The following PKN2 variants were observed in gnomAD, a reference collection of about 807,000 sequenced individuals.
The protein encoded by PKN2 is serine/threonine-protein kinase N2.
In PKN2, 38 loss-of-function variants were observed where a neutral mutation model predicts 119.1. The ratio of observed to expected loss-of-function variants is 0.32; its 90% CI spans 0.25 to 0.42. PKN2 has a LOEUF of 0.42. Ranked by LOEUF, PKN2 falls within the 10% of genes least tolerant of loss-of-function variation. The pLI is 1.00. For synonymous variants in PKN2, 390 were observed against 384.9 expected (o/e 1.01, Z -0.15); for missense variants, 850 against 1,165.1 (o/e 0.73, Z 3.94).
At chr1:88,703,881 A>G (rs1557550420) in intron 1 of PKN2, among the ~76,000 whole-genome samples, 1 of 152,180 alleles carries the variant, frequency 6.6e-6, no homozygotes. Flanking sequence ...CTAGTAGAAG[A>G]TAATTTTTGA....
intron 17 of PKN2, among the ~76,000 whole-genome samples, chr1:88,824,027 G>A (rs1055905221): frequency 1.6e-5 from 2 of 127,218 alleles, no homozygotes; most frequent in South Asian, 2.6e-4. Context: ...AAAAAAAAAG[G>A]ATTAAATTAG....
intron 8 of PKN2, among the ~76,000 whole-genome samples, chr1:88,787,601 C>T (rs190478691): frequency 1.3e-5 from 2 of 152,188 alleles, no homozygotes; most frequent in Admixed American, 1.3e-4. Flanking sequence ...ATGAAGAGTG[C>T]CTGGAAGAGA....
chr1:88,824,156 T>C (rs1672406358), intron 17 of PKN2, among the ~76,000 whole-genome samples, 154 bp from the exon 18 acceptor site: 1 of 152,232 alleles, frequency 6.6e-6, no homozygotes, highest in African/African-American at 2.4e-5. Context: ...ACTGAATGTT[T>C]GTGTTATAGT....
chr1:88,786,324 A>G (rs1670572168), intron 8 of PKN2, 111 bp downstream of exon 8: 1 of 545,604 alleles, frequency 1.8e-6, no homozygotes, highest in East Asian at 3.1e-5. Flanking sequence ...TAAAAATAGA[A>G]CTTAGATTTT....
intron 1 of PKN2, among the ~76,000 whole-genome samples, chr1:88,695,649 C>T (rs1332133354): frequency 6.6e-6 from 1 of 152,080 alleles, no homozygotes; most frequent in Non-Finnish European, 1.5e-5. Context: ...GTTTTCTTGT[C>T]TTTACTTTCA....
At chr1:88,786,913 G>T (rs1670600068) in intron 8 of PKN2, among the ~76,000 whole-genome samples, 1 of 140,280 alleles carries the variant, frequency 7.1e-6, no homozygotes, top group Non-Finnish European at 1.6e-5. Context: ...AAATGTTTTG[G>T]TGATTACTGT....
chr1:88,786,110 T>C lies in PKN2; in HGVS notation c.1178T>C (p.Val393Ala). 1 of 1,597,690 alleles carries C rather than the reference T, an allele frequency of 6.3e-7. No individual in the cohort carries two copies. Among genetic ancestry groups the C allele is most frequent in the Non-Finnish European group, 8.6e-7 (1 of 1,165,698 alleles). Residue 393 changes from valine (V) to alanine (A), a missense_variant, in exon 8 of 22, where the codon GTC becomes GCC. Coordinates refer to ENST00000370521, the MANE Select transcript of PKN2 (RefSeq NM_006256.4). Reference protein sequence around the residue: ...LLKTDDLSNDVCAVLKLDNTV... With the variant: ...LLKTDDLSNDACAVLKLDNTV... ...TTGTAAATTTTAATTACAGATGATG[T>C]CTGTGCTGTTTTGAAGCTCGATAAT...
chr1:88,818,158 T>A (rs1570677864), intron 16 of PKN2, among the ~76,000 whole-genome samples: 3 of 152,286 alleles, frequency 2.0e-5, no homozygotes. Flanking sequence ...TTACAAGGGA[T>A]GTGAAGGACC....
At chr1:88,776,137 A>T (rs2100811979) in intron 6 of PKN2, among the ~76,000 whole-genome samples, 1 of 150,302 alleles carries the variant, frequency 6.7e-6, no homozygotes, top group African/African-American at 2.4e-5. Context: ...TGGCTTCTAT[A>T]TTTACTTATG....
chr1:88,760,438 A>C, intron 3 of PKN2, 62 bp downstream of exon 3: 2 of 926,592 alleles, frequency 2.2e-6, no homozygotes, highest in East Asian at 2.8e-5. Context: ...CCATAGTTAT[A>C]AATTTACCTA....
At chr1:88,698,145 G>A (rs1666616172) in intron 1 of PKN2, among the ~76,000 whole-genome samples, 1 of 152,092 alleles carries the variant, frequency 6.6e-6, no homozygotes, top group Non-Finnish European at 1.5e-5. Context: ...CAAAAGGACT[G>A]TTTTATTTTT....
intron 9 of PKN2, 30 bp downstream of exon 9, chr1:88,804,564 A>T (rs761803536): frequency 3.6e-5 from 57 of 1,586,534 alleles, no homozygotes; most frequent in Non-Finnish European, 4.8e-5. Context: ...AAATGTGCAT[A>T]ACTACAATTG....
chr1:88,764,214 G>A (rs1271823082), intron 3 of PKN2, among the ~76,000 whole-genome samples: 1 of 152,050 alleles, frequency 6.6e-6, no homozygotes, highest in Non-Finnish European at 1.5e-5. Flanking sequence ...AACATAGCAA[G>A]CACACTCTTA....
intron 1 of PKN2, among the ~76,000 whole-genome samples, chr1:88,711,566 C>T (rs1476131564): frequency 1.3e-5 from 2 of 152,096 alleles, no homozygotes; most frequent in Non-Finnish European, 2.9e-5. Flanking sequence ...AAATTGACTT[C>T]ATATTAATGA....
rs1447002597 is a variant in PKN2 at position 88,684,478 on chromosome 1, T to A, written c.-103T>A. On this transcript the variant is annotated 5_prime_UTR_variant, in exon 1 of 22. Coordinates refer to ENST00000370521, the MANE Select transcript of PKN2 (RefSeq NM_006256.4). ...ATGAATCCCTAGTTGTTTTTTTTTT[T>A]TTCTTTCTCTCCCCTCTCCTCACCC... 2 of 972,582 alleles carry A rather than the reference T, an allele frequency of 2.1e-6. No homozygotes were observed. The highest frequency in any genetic ancestry group is 3.5e-5 in the African/African-American group (2 of 57,874). The allele number at this position is 972,582 out of a possible 1,614,324, so 60.2% of individuals were successfully genotyped here. A position where few individuals can be genotyped will look rare whatever the true frequency, so the allele number is the denominator to read the frequency against.
intron 2 of PKN2, among the ~76,000 whole-genome samples, chr1:88,750,374 A>G (rs1201020999): frequency 6.6e-6 from 1 of 152,184 alleles, no homozygotes; most frequent in South Asian, 2.1e-4. Flanking sequence ...ACTCTGTTTC[A>G]TCTTGTAAGC....
At chr1:88,827,931 G>T (rs575608156) in intron 18 of PKN2, among the ~76,000 whole-genome samples, 1 of 151,430 alleles carries the variant, frequency 6.6e-6, no homozygotes, top group Non-Finnish European at 1.5e-5. Flanking sequence ...CATCATGTTG[G>T]CCAGGCTGGT....
intron 1 of PKN2, among the ~76,000 whole-genome samples, chr1:88,715,505 T>C (rs1344491154): frequency 6.6e-6 from 1 of 152,216 alleles, no homozygotes; most frequent in East Asian, 1.9e-4. Context: ...GGAGGGTGTA[T>C]GTGTCCAGGA....
intron 3 of PKN2, among the ~76,000 whole-genome samples, chr1:88,765,770 C>A (rs1005629046): frequency 2.6e-5 from 4 of 152,108 alleles, no homozygotes; most frequent in Non-Finnish European, 4.4e-5. Context: ...TTTCTGGATT[C>A]CCTTAACTAA....
Sources: gnomAD v4.1 joint callset for allele counts (sites outside exome capture counted in the v4.1 genomes callset) on GRCh38, gnomAD v4.1.1 for gene constraint, MANE v1.5 for transcripts, NCBI Gene and HGNC (gene_info 2026-07-23, HGNC 2026-07-21) for gene names.